The following FRMD3 variants were observed in gnomAD, a reference collection of about 807,000 sequenced individuals.
FRMD3 encodes the protein FERM domain-containing protein 3.
FRMD3 carries 33 observed loss-of-function variants against 70.2 expected under a neutral mutation model. The ratio of observed to expected loss-of-function variants is 0.47; its 90% CI spans 0.36 to 0.63. The LOEUF is 0.63. Among genes scored for constraint, FRMD3 ranks in the 20% least tolerant of loss-of-function variants. The probability of loss-of-function intolerance (pLI) is 0.00; values close to 1 mark genes in which losing one functional copy is unlikely to be tolerated. For missense variants in FRMD3, 632 were observed against 711.4 expected (o/e 0.89, Z 1.27); for synonymous variants, 279 against 255.9 (o/e 1.09, Z -0.86).
chr9:83,508,014 T>C (rs1346513639), intron 1 of FRMD3, among the ~76,000 whole-genome samples: 1 of 151,988 alleles, frequency 6.6e-6, no homozygotes, highest in Non-Finnish European at 1.5e-5. Context: ...AACGGTACAG[T>C]GTCCTATATG....
chr9:83,247,607 A>G lies in FRMD3; in HGVS notation c.*311T>C. 1.9e-6 allele frequency: 2 copies of G among 1,040,276 alleles called. No homozygotes were observed. The highest frequency in any genetic ancestry group is 2.3e-6 in the Non-Finnish European group (2 of 861,708). The allele number at this position is 1,040,276 out of a possible 1,614,324, so 64.4% of individuals were successfully genotyped here. A position where few individuals can be genotyped will look rare whatever the true frequency, so the allele number is the denominator to read the frequency against. Reference sequence around the variant, plus strand: ...TGGTGCCAACTATTAGAAATGGGAAAATCTAATTCAGTCCAATGTAACATG... The same window carrying G: ...TGGTGCCAACTATTAGAAATGGGAAGATCTAATTCAGTCCAATGTAACATG... On this transcript the variant is annotated 3_prime_UTR_variant, in exon 14 of 14. Transcript: ENST00000304195.
At chr9:83,398,946 CACAA>C (rs1825877206) in intron 1 of FRMD3, among the ~76,000 whole-genome samples, 1 of 152,120 alleles carries the variant, frequency 6.6e-6, no homozygotes, top group Admixed American at 6.5e-5. Context: ...AAAGGCAAGA[CACAA>C]ACAGCCACCT....
At position 83,245,956 on chromosome 9, in the gene FRMD3, CTT is replaced by C. The variant is rs1321670880; in HGVS notation, c.*1960_*1961del. 2.0e-6 allele frequency: 2 copies of C among 981,914 alleles called. No individual in the cohort carries two copies. Among genetic ancestry groups the C allele is most frequent in the African/African-American group, 3.5e-5 (2 of 57,148 alleles). 60.8% of individuals were successfully genotyped at this position (981,914 alleles called of 1,614,324 possible). On this transcript the variant is annotated 3_prime_UTR_variant, in exon 14 of 14. Transcript: ENST00000304195. ...AACTTTCAGGTAATAAACAAACAAT[CTT>C]TATTTAAAAAGCAAAATAAATCACT...
At chr9:83,431,259 A>G (rs957549518) in intron 1 of FRMD3, among the ~76,000 whole-genome samples, 1 of 152,216 alleles carries the variant, frequency 6.6e-6, no homozygotes, top group African/African-American at 2.4e-5. Flanking sequence ...TGACATTGGT[A>G]TAATGTATTT....
chr9:83,514,263 C>T (rs908909235), intron 1 of FRMD3, among the ~76,000 whole-genome samples: 4 of 152,140 alleles, frequency 2.6e-5, no homozygotes, highest in Admixed American at 6.5e-5. Flanking sequence ...CTGGAATGCT[C>T]GAGCTTGGTG....
At chr9:83,299,004 C>T (rs148420261) in intron 11 of FRMD3, 108 bp downstream of exon 11, 65 of 980,188 alleles carry the variant, frequency 6.6e-5, no homozygotes, top group Middle Eastern at 6.2e-4. Flanking sequence ...AAATGGAAGA[C>T]TCAAACAGAG....
At chr9:83,351,051 C>G (rs1824138218) in intron 3 of FRMD3, 9 of 892,404 alleles carry the variant, frequency 1.0e-5, no homozygotes, top group South Asian at 5.2e-5. Context: ...AGTCTACATC[C>G]AAATGTGAAT....
chr9:83,509,274 T>G (rs974073817), intron 1 of FRMD3, among the ~76,000 whole-genome samples: 2 of 152,178 alleles, frequency 1.3e-5, no homozygotes, highest in African/African-American at 4.8e-5. Context: ...TATTTTACAA[T>G]CTTTAGCTCA....
At chr9:83,363,646 C>CG (rs1471557760) in intron 3 of FRMD3, among the ~76,000 whole-genome samples, 1 of 151,570 alleles carries the variant, frequency 6.6e-6, no homozygotes, top group African/African-American at 2.4e-5. Flanking sequence ...CTCCGCCCCC[C>CG]GGGGTTCACG....
chr9:83,359,241 A>C (rs929670682), intron 3 of FRMD3, among the ~76,000 whole-genome samples: 5 of 152,156 alleles, frequency 3.3e-5, no homozygotes, highest in Non-Finnish European at 7.4e-5. Context: ...GACTACAGTC[A>C]CTCAGAGAAC....
intron 12 of FRMD3, among the ~76,000 whole-genome samples, chr9:83,294,490 C>T (rs186099779): frequency 8.5e-5 from 13 of 152,248 alleles, no homozygotes; most frequent in Admixed American, 4.6e-4. Flanking sequence ...AGCAAGAGCC[C>T]GCCAGCCCAA....
At chr9:83,468,070 T>C (rs575323557) in intron 1 of FRMD3, among the ~76,000 whole-genome samples, 49 of 152,336 alleles carry the variant, frequency 3.2e-4, no homozygotes, top group African/African-American at 1.1e-3. Flanking sequence ...TAACATATCT[T>C]GTTAGACAAC....
chr9:83,581,162 G>A, the FRMD3 span, among the ~76,000 whole-genome samples: 2 of 151,944 alleles, frequency 1.3e-5, no homozygotes, highest in African/African-American at 4.8e-5. Flanking sequence ...GTGCTTCAGT[G>A]AACACCATCC....
chr9:83,583,071 C>T, the FRMD3 span, among the ~76,000 whole-genome samples: 2 of 152,214 alleles, frequency 1.3e-5, no homozygotes, highest in African/African-American at 2.4e-5. Flanking sequence ...ACTTACAACT[C>T]ATTTCCAGAG....
chr9:83,300,701 A>G (rs1216953349), intron 10 of FRMD3, among the ~76,000 whole-genome samples: 1 of 152,234 alleles, frequency 6.6e-6, no homozygotes, highest in African/African-American at 2.4e-5. Context: ...TTTTTTAAAA[A>G]TATATAAAAT....
rs117839787 is a variant in FRMD3 at position 83,325,168 on chromosome 9, G to C, written c.596+10348C>G. On this transcript the variant is annotated intron_variant, in intron 6 of 13. Coordinates refer to ENST00000304195, the MANE Select transcript of FRMD3 (RefSeq NM_174938.6). ...GACACTGGAGACTCAGAGGGTGACA[G>C]AGTGGGAGCGGGTGAGGGATGAGAA... Among the ~76,000 whole-genome samples the C allele has an allele frequency of 4.7e-3, 716 of 152,292 alleles. 1 individual carries two copies. The highest frequency in any genetic ancestry group is 7.9e-3 in the Non-Finnish European group (538 of 68,026).
the FRMD3 span, among the ~76,000 whole-genome samples, chr9:83,552,826 T>C: frequency 2.6e-5 from 4 of 152,180 alleles, no homozygotes; most frequent in South Asian, 8.3e-4. Context: ...ATTTGCTCCG[T>C]AGATTTTCCT....
intron 13 of FRMD3, among the ~76,000 whole-genome samples, chr9:83,289,531 G>A (rs903340113): frequency 2.0e-5 from 3 of 152,092 alleles, no homozygotes; most frequent in African/African-American, 7.2e-5. Context: ...CTGCAAATTG[G>A]TTGCTGCTAC....
intron 1 of FRMD3, among the ~76,000 whole-genome samples, chr9:83,490,788 T>A (rs973138080): frequency 5.3e-4 from 65 of 121,816 alleles, no homozygotes; most frequent in East Asian, 2.5e-3. Flanking sequence ...TCTCTCTCTC[T>A]CTCTCTCTCT....
Sources: allele counts gnomAD v4.1 joint callset (sites outside exome capture counted in the v4.1 genomes callset), GRCh38; gene constraint gnomAD v4.1.1; transcripts MANE v1.5; gene names NCBI Gene and HGNC (gene_info 2026-07-23, HGNC 2026-07-21).